B3GALT1: variants seen among roughly 807,000 people sequenced by gnomAD.
B3GALT1 encodes UDP-Gal:betaGlcNAc beta 1,3-galactosyltransferase, polypeptide 1.
A neutral mutation model predicts 23.2 loss-of-function variants in B3GALT1; 10 were observed. The observed-to-expected ratio is 0.43, with a 90% confidence interval of 0.27 to 0.73. The LOEUF (loss-of-function observed/expected upper bound fraction) is 0.73, where lower values mean the gene tolerates loss of function less well. B3GALT1 is among the 30% of genes least tolerant of loss of function. The pLI is 0.21. For synonymous variants in B3GALT1, 156 were observed against 141.5 expected, an observed-to-expected ratio of 1.10 and a Z score of -0.73; for missense variants, 299 against 405.4, an observed-to-expected ratio of 0.74 and a Z score of 2.25.
intron 4 of B3GALT1, among the ~76,000 whole-genome samples, chr2:167,844,926 C>T (rs1689724862): frequency 6.6e-6 from 1 of 152,124 alleles, no homozygotes; most frequent in African/African-American, 2.4e-5. Flanking sequence ...GTGTGACTGG[C>T]CCTTTGGTTT....
At chr2:167,719,565 C>G (rs909249205) in intron 3 of B3GALT1, among the ~76,000 whole-genome samples, 1 of 152,184 alleles carries the variant, frequency 6.6e-6, no homozygotes, top group African/African-American at 2.4e-5. Flanking sequence ...TTGTTGGTCA[C>G]TAGATACAAC....
At chr2:167,788,536 G>A (rs993701138) in intron 3 of B3GALT1, among the ~76,000 whole-genome samples, 5 of 152,012 alleles carry the variant, frequency 3.3e-5, no homozygotes, top group Non-Finnish European at 7.4e-5. Flanking sequence ...GTTCACAATA[G>A]GGTTCATGTT....
chr2:167,677,841 G>A (rs1476420790), intron 3 of B3GALT1, among the ~76,000 whole-genome samples: 1 of 152,126 alleles, frequency 6.6e-6, no homozygotes, highest in Non-Finnish European at 1.5e-5. Context: ...TGGCAGAAGG[G>A]GAAGCAAACA....
rs190558546 is a variant in B3GALT1 at position 167,628,717 on chromosome 2, A to G, written c.-409-18192A>G. On this transcript the variant is annotated intron_variant, in intron 2 of 4. Coordinates refer to ENST00000392690, the MANE Select transcript of B3GALT1 (RefSeq NM_020981.4). ...TAACAAAAAAGTGGAGGGTGGAGGC[A>G]TGGGCCTGGGGATAAATTCTCTAAA... is the stretch of plus-strand genomic sequence containing the variant. Among the ~76,000 whole-genome samples, 1,290 of 151,852 alleles carry G rather than the reference A, an allele frequency of 8.5e-3. 18 individuals are homozygous for G. Among genetic ancestry groups the G allele is most frequent in the African/African-American group, 0.029 (1,224 of 41,536 alleles).
chr2:167,504,829 C>A (rs1240167249), intron 2 of B3GALT1, among the ~76,000 whole-genome samples: 1 of 152,132 alleles, frequency 6.6e-6, no homozygotes, highest in Non-Finnish European at 1.5e-5. Flanking sequence ...GAACAACAGA[C>A]CATATCATAA....
chr2:167,820,320 T>C (rs181387408), intron 4 of B3GALT1, among the ~76,000 whole-genome samples: 98 of 152,234 alleles, frequency 6.4e-4, no homozygotes, highest in African/African-American at 2.2e-3. Flanking sequence ...TTAGAAAGGG[T>C]GGTTAGGGGA....
chr2:167,692,563 T>C (rs1686731280), intron 3 of B3GALT1, among the ~76,000 whole-genome samples: 1 of 152,126 alleles, frequency 6.6e-6, no homozygotes, highest in South Asian at 2.1e-4. Context: ...ACTGAATTGG[T>C]TTGAGAACTA....
At chr2:167,452,489 G>A (rs921346740) in intron 1 of B3GALT1, among the ~76,000 whole-genome samples, 2 of 152,182 alleles carry the variant, frequency 1.3e-5, no homozygotes, top group Admixed American at 1.3e-4. Flanking sequence ...GAGGGTGTGT[G>A]TATGGGGGAC....
At chr2:167,758,388 G>A (rs1262313991) in intron 3 of B3GALT1, among the ~76,000 whole-genome samples, 1 of 152,156 alleles carries the variant, frequency 6.6e-6, no homozygotes, top group African/African-American at 2.4e-5. Flanking sequence ...CCTGGGCTCA[G>A]AGACATTCTG....
chr2:167,671,669 A>G (rs1260200130), intron 3 of B3GALT1, among the ~76,000 whole-genome samples: 2 of 152,098 alleles, frequency 1.3e-5, no homozygotes, highest in African/African-American at 2.4e-5. Context: ...TCACAGTGAT[A>G]AACACCTACA....
intron 1 of B3GALT1, among the ~76,000 whole-genome samples, chr2:167,336,022 G>T (rs149000730): frequency 8.8e-4 from 134 of 151,950 alleles, no homozygotes; most frequent in African/African-American, 3.1e-3. Flanking sequence ...AAAAAAAAAC[G>T]ATATTTTGCA....
At chr2:167,313,989 C>G (rs1226323596) in intron 1 of B3GALT1, among the ~76,000 whole-genome samples, 2 of 152,074 alleles carry the variant, frequency 1.3e-5, no homozygotes, top group Admixed American at 6.6e-5. Flanking sequence ...AGGCTAACAT[C>G]CTCAGCAAGA....
intron 2 of B3GALT1, among the ~76,000 whole-genome samples, chr2:167,629,296 A>T (rs1374977520): frequency 2.0e-5 from 3 of 151,780 alleles, no homozygotes; most frequent in African/African-American, 7.2e-5. Context: ...TTTTCTGAAC[A>T]GGGATGAACT....
chr2:167,548,311 C>A (rs1233438715), intron 2 of B3GALT1, among the ~76,000 whole-genome samples: 1 of 152,196 alleles, frequency 6.6e-6, no homozygotes, highest in Non-Finnish European at 1.5e-5. Flanking sequence ...TTACCAGTGA[C>A]TTCCCAACTC....
intron 2 of B3GALT1, among the ~76,000 whole-genome samples, chr2:167,570,538 T>C (rs1684273497): frequency 6.6e-6 from 1 of 151,950 alleles, no homozygotes; most frequent in African/African-American, 2.4e-5. Context: ...TAGTGGGTAA[T>C]GAAAAAAGTG....
intron 2 of B3GALT1, among the ~76,000 whole-genome samples, chr2:167,504,367 T>C (rs1303900328): frequency 1.3e-5 from 2 of 152,148 alleles, no homozygotes; most frequent in African/African-American, 2.4e-5. Context: ...GTGTATGCAA[T>C]TATATGTCAC....
At chr2:167,373,052 A>G (rs1697709241) in intron 1 of B3GALT1, among the ~76,000 whole-genome samples, 1 of 152,096 alleles carries the variant, frequency 6.6e-6, no homozygotes, top group South Asian at 2.1e-4. Flanking sequence ...AATAGAGAAT[A>G]CAGAAATAGG....
chr2:167,379,652 A>T (rs1697816562), intron 1 of B3GALT1, among the ~76,000 whole-genome samples: 1 of 152,106 alleles, frequency 6.6e-6, no homozygotes, highest in African/African-American at 2.4e-5. Context: ...GAAGAAGCTG[A>T]TTGTTACCTC....
At chr2:167,659,786 A>G (rs1446110804) in intron 3 of B3GALT1, among the ~76,000 whole-genome samples, 1 of 152,028 alleles carries the variant, frequency 6.6e-6, no homozygotes, top group African/African-American at 2.4e-5. Flanking sequence ...CAGATCACCA[A>G]TAGTTGAGTC....
Sources: allele counts gnomAD v4.1 joint callset (sites outside exome capture counted in the v4.1 genomes callset), GRCh38; gene constraint gnomAD v4.1.1; transcripts MANE v1.5; gene names NCBI Gene and HGNC (gene_info 2026-07-23, HGNC 2026-07-21).